The following KHDRBS2 variants were observed in gnomAD, a reference collection of about 807,000 sequenced individuals.
The protein encoded by KHDRBS2 is KH RNA binding domain containing, signal transduction associated 2.
KHDRBS2 carries 26 observed loss-of-function variants against 44.3 expected under a neutral mutation model. That is an observed-to-expected ratio of 0.59 (90% CI 0.43 to 0.81). The LOEUF (loss-of-function observed/expected upper bound fraction) is 0.81. KHDRBS2 is among the 40% of genes least tolerant of loss of function. The pLI, the probability that KHDRBS2 is intolerant of heterozygous loss-of-function variation, is 0.00. For synonymous variants in KHDRBS2, 194 were observed against 151.1 expected (o/e 1.28, Z -2.08); for missense variants, 476 against 433.1 (o/e 1.10, Z -0.88).
chr6:62,050,079 G>A (rs1160044200), intron 2 of KHDRBS2, among the ~76,000 whole-genome samples: 1 of 152,006 alleles, frequency 6.6e-6, no homozygotes, highest in Admixed American at 6.6e-5. Context: ...AGAAAATGTG[G>A]CAGCACATAT....
At chr6:61,670,996 T>C in the KHDRBS2 span, among the ~76,000 whole-genome samples, 1 of 151,582 alleles carries the variant, frequency 6.6e-6, no homozygotes, top group African/African-American at 2.4e-5. Flanking sequence ...TTTCCCCATA[T>C]GGTATTGCGA....
intron 6 of KHDRBS2, among the ~76,000 whole-genome samples, chr6:61,782,213 G>A (rs1783038094): frequency 6.6e-6 from 1 of 152,062 alleles, no homozygotes; most frequent in South Asian, 2.1e-4. Flanking sequence ...AGGTTTTAAT[G>A]AATAGATGAG....
At chr6:61,676,502 C>T (rs1765951929), downstream of KHDRBS2, among the ~76,000 whole-genome samples, 1 of 151,920 alleles carries the variant, frequency 6.6e-6, no homozygotes, top group Admixed American at 6.6e-5. Context: ...GATCTTCTCA[C>T]CTTTCCATGT....
At chr6:62,134,619 CACAG>C in intron 2 of KHDRBS2, among the ~76,000 whole-genome samples, 1 of 152,212 alleles carries the variant, frequency 6.6e-6, no homozygotes, top group East Asian at 1.9e-4. Flanking sequence ...CTGGAAAAGC[CACAG>C]ACACTCAATG....
At chr6:61,779,262 A>G (rs1782573411) in intron 6 of KHDRBS2, among the ~76,000 whole-genome samples, 1 of 152,178 alleles carries the variant, frequency 6.6e-6, no homozygotes, top group African/African-American at 2.4e-5. Flanking sequence ...TAACATCTGA[A>G]GTCCCTTAAC....
chr6:61,711,293 A>G (rs192100418), intron 7 of KHDRBS2, among the ~76,000 whole-genome samples: 1 of 151,804 alleles, frequency 6.6e-6, no homozygotes, highest in Admixed American at 6.6e-5. Context: ...CTTTTTTCCT[A>G]AAATTTTTCC....
the KHDRBS2 span, among the ~76,000 whole-genome samples, chr6:61,586,859 C>CTT: frequency 6.6e-6 from 1 of 152,152 alleles, no homozygotes; most frequent in African/African-American, 2.4e-5. Flanking sequence ...TTGAACTTCT[C>CTT]TGTTCTTCAG....
chr6:61,957,323 A>T (rs1157704559), intron 4 of KHDRBS2, among the ~76,000 whole-genome samples: 3 of 152,200 alleles, frequency 2.0e-5, no homozygotes, highest in Non-Finnish European at 4.4e-5. Context: ...GATAACAGCA[A>T]TGTTCAGGGA....
chr6:61,714,460 C>G (rs1030884766), intron 7 of KHDRBS2, among the ~76,000 whole-genome samples: 8 of 151,784 alleles, frequency 5.3e-5, no homozygotes, highest in African/African-American at 1.9e-4. Context: ...ATTAGTACAA[C>G]CTATATGGAA....
At chr6:62,053,896 T>C (rs1789657390) in intron 2 of KHDRBS2, among the ~76,000 whole-genome samples, 1 of 152,054 alleles carries the variant, frequency 6.6e-6, no homozygotes, top group South Asian at 2.1e-4. Flanking sequence ...AGGTTAATTG[T>C]ATTTTTGTAT....
intron 6 of KHDRBS2, among the ~76,000 whole-genome samples, chr6:61,748,940 A>AATT (rs1203041529): frequency 1.3e-5 from 2 of 151,724 alleles, no homozygotes; most frequent in Non-Finnish European, 2.9e-5. Flanking sequence ...CAAGGAACTG[A>AATT]ATTTTAAATT....
intron 7 of KHDRBS2, among the ~76,000 whole-genome samples, chr6:61,713,427 A>T (rs1770856194): frequency 6.6e-6 from 1 of 151,756 alleles, no homozygotes; most frequent in Non-Finnish European, 1.5e-5. Flanking sequence ...TTCTCCAAAG[A>T]TATAAAGTGT....
the KHDRBS2 span, among the ~76,000 whole-genome samples, chr6:61,578,030 A>G: frequency 0.95 from 144,511 of 152,166 alleles, 68,715 homozygotes; most frequent in East Asian, 1. Flanking sequence ...TTATTTTTCT[A>G]ATACATAAAG....
intron 7 of KHDRBS2, among the ~76,000 whole-genome samples, chr6:61,701,584 G>A (rs9362101): frequency 0.41 from 61,965 of 151,728 alleles, 13,063 homozygotes; most frequent in Middle Eastern, 0.51. Flanking sequence ...ATACGGCCAT[G>A]GATAAGTCCA....
intron 6 of KHDRBS2, among the ~76,000 whole-genome samples, chr6:61,767,921 T>C (rs1780245378): frequency 6.6e-6 from 1 of 152,164 alleles, no homozygotes; most frequent in Non-Finnish European, 1.5e-5. Flanking sequence ...ACCACACTTA[T>C]GATGTTATAA....
At chr6:61,826,167 T>C (rs993716870) in intron 6 of KHDRBS2, among the ~76,000 whole-genome samples, 4 of 152,154 alleles carry the variant, frequency 2.6e-5, no homozygotes, top group African/African-American at 9.6e-5. Flanking sequence ...TTTAGGGGTT[T>C]TATGGGCATA....
At chr6:61,723,963 A>C (rs1249543857) in intron 7 of KHDRBS2, among the ~76,000 whole-genome samples, 1 of 152,052 alleles carries the variant, frequency 6.6e-6, no homozygotes. Flanking sequence ...AATGTAGAGA[A>C]CCCCAGTAAG....
chr6:62,019,771 A>G (rs1246472121), intron 3 of KHDRBS2, among the ~76,000 whole-genome samples: 1 of 152,006 alleles, frequency 6.6e-6, no homozygotes, highest in Admixed American at 6.6e-5. Context: ...TGCTAAATCC[A>G]TGGTAATGTC....
At chr6:62,177,343 G>A in intron 1 of KHDRBS2, 31 bp from the exon 2 acceptor site, 1 of 1,536,374 alleles carries the variant, frequency 6.5e-7, no homozygotes, top group Non-Finnish European at 8.9e-7. Flanking sequence ...GAAAACAAGT[G>A]AAATGAGGAA....
Sources: allele counts gnomAD v4.1 joint callset (sites outside exome capture counted in the v4.1 genomes callset), GRCh38; gene constraint gnomAD v4.1.1; transcripts MANE v1.5; gene names NCBI Gene and HGNC (gene_info 2026-07-23, HGNC 2026-07-21).